Variants in GSAP observed in about 807,000 individuals in gnomAD.
GSAP encodes the protein gamma-secretase activating protein, also known as gamma-secretase-activating protein.
Under a neutral mutation model 131.7 loss-of-function variants are expected in GSAP, and 118 were observed. That is an observed-to-expected ratio of 0.90 (90% confidence interval 0.77 to 1.04). The LOEUF (loss-of-function observed/expected upper bound fraction) is 1.04. Among genes scored for constraint, GSAP ranks in the 50% least tolerant of loss-of-function variants. The probability of loss-of-function intolerance (pLI) is 0.00; values close to 1 mark genes in which losing one functional copy is unlikely to be tolerated. For synonymous variants in GSAP, 381 were observed against 363.4 expected (o/e 1.05, Z -0.55); for missense variants, 1,019 against 1,013.2 (o/e 1.01, Z -0.08).
chr7:77,371,175 C>T (rs1463175619), intron 12 of GSAP, among the ~76,000 whole-genome samples: 4 of 152,298 alleles, frequency 2.6e-5, no homozygotes. Flanking sequence ...TTCCTAAGCT[C>T]CACCAAAACC....
In GSAP at chr7:77,362,535, T is replaced by C. The variant is rs777074657; in HGVS notation, c.949+48A>G. 23 of 1,003,794 alleles carry C rather than the reference T, an allele frequency of 2.3e-5. No individual in the cohort carries two copies. In the Admixed American group the frequency reaches 3.9e-4, roughly 17 times the overall value. 62.2% of individuals were successfully genotyped at this position (1,003,794 alleles called of 1,614,324 possible). On this transcript the variant is annotated intron_variant, in intron 13 of 30. Coordinates refer to ENST00000257626, the MANE Select transcript of GSAP (RefSeq NM_017439.4). ...TAAGAGCTATCTAATTTGCTACTAT[T>C]TGGAAAAAGTTATTATGTAAAAGTA...
intron 19 of GSAP, among the ~76,000 whole-genome samples, chr7:77,346,431 G>A (rs1791878574): frequency 6.6e-6 from 1 of 151,050 alleles, no homozygotes; most frequent in South Asian, 2.1e-4. Context: ...AGGGCATGGT[G>A]GCTCATACCT....
chr7:77,344,258 C>G (rs1016762677), intron 19 of GSAP, among the ~76,000 whole-genome samples: 3 of 152,186 alleles, frequency 2.0e-5, no homozygotes, highest in Admixed American at 1.3e-4. Flanking sequence ...GTGGAACCTT[C>G]AGGCCCCTTA....
At chr7:77,387,080 T>C (rs575131081) in intron 6 of GSAP, among the ~76,000 whole-genome samples, 3 of 152,348 alleles carry the variant, frequency 2.0e-5, no homozygotes, top group East Asian at 3.9e-4. Flanking sequence ...ATACATTATA[T>C]TGACCATTTT....
intron 1 of GSAP, 49 bp from the exon 2 acceptor site, chr7:77,406,154 A>G: frequency 9.3e-7 from 1 of 1,070,636 alleles, no homozygotes; most frequent in Non-Finnish European, 1.2e-6. Context: ...GGTTAAAAAC[A>G]TATCTAACCA....
intron 5 of GSAP, 41 bp from the exon 6 acceptor site, chr7:77,387,489 AT>A: frequency 9.8e-7 from 1 of 1,022,976 alleles, no homozygotes. Context: ...AGATTGTAAT[AT>A]CACACATTAT....
intron 6 of GSAP, among the ~76,000 whole-genome samples, chr7:77,385,099 T>C (rs1357563292): frequency 6.6e-6 from 1 of 151,536 alleles, no homozygotes; most frequent in East Asian, 1.9e-4. Context: ...AATGGCACGA[T>C]CTTGGCTCAC....
chr7:77,413,131 G>T (rs1309185966), intron 1 of GSAP, among the ~76,000 whole-genome samples: 2 of 152,190 alleles, frequency 1.3e-5, no homozygotes, highest in East Asian at 3.8e-4. Context: ...ATCAGGGAGT[G>T]CTCAGGAAAG....
chr7:77,316,968 T>C (rs956201635), intron 26 of GSAP, among the ~76,000 whole-genome samples: 6 of 152,218 alleles, frequency 3.9e-5, no homozygotes, highest in South Asian at 4.1e-4. Context: ...AACCAATTCA[T>C]GTTACAAGTC....
At chr7:77,364,478 C>T (rs6970534) in intron 12 of GSAP, among the ~76,000 whole-genome samples, 5 of 134,930 alleles carry the variant, frequency 3.7e-5, no homozygotes, top group Non-Finnish European at 6.1e-5. Flanking sequence ...ACAATGAGAA[C>T]ACATGGACAC....
intron 12 of GSAP, among the ~76,000 whole-genome samples, chr7:77,368,058 C>G (rs1429029316): frequency 6.6e-6 from 1 of 152,070 alleles, no homozygotes; most frequent in African/African-American, 2.4e-5. Context: ...TCCCATTTGT[C>G]ATTTCTAATT....
At chr7:77,379,982 G>T (rs551278037) in intron 8 of GSAP, 2 of 780,942 alleles carry the variant, frequency 2.6e-6, no homozygotes, top group Non-Finnish European at 3.1e-6. Flanking sequence ...AAAATCTTCA[G>T]AGACAATTTT....
intron 24 of GSAP, 46 bp from the exon 25 acceptor site, chr7:77,321,449 T>G (rs768216376): frequency 1.6e-6 from 2 of 1,260,358 alleles, no homozygotes; most frequent in African/African-American, 3.0e-5. Flanking sequence ...ATTCCTTCCC[T>G]CAAGGGCCCC....
At chr7:77,354,704 G>C (rs1029352778) in intron 16 of GSAP, among the ~76,000 whole-genome samples, 44 of 145,844 alleles carry the variant, frequency 3.0e-4, no homozygotes, top group African/African-American at 1.0e-3. Context: ...TAGTTAACCA[G>C]CCACTCTTTG....
intron 14 of GSAP, among the ~76,000 whole-genome samples, chr7:77,357,988 T>C (rs1314097943): frequency 1.3e-5 from 2 of 152,254 alleles, no homozygotes; most frequent in Non-Finnish European, 2.9e-5. Context: ...AACACCACAT[T>C]GTACTCCATA....
chr7:77,360,508 A>G (rs1187236881), intron 14 of GSAP, among the ~76,000 whole-genome samples: 1 of 152,224 alleles, frequency 6.6e-6, no homozygotes, highest in East Asian at 1.9e-4. Flanking sequence ...GGAACATCTC[A>G]TACAAGTTAT....
chr7:77,311,851 G>A lies in GSAP; in HGVS notation c.2463C>T (p.Ser821=), dbSNP rs373874441. ...YFIEILTDIE[S]SNQALYPFEG... ...AGGGGAGTAAATTACCTTGATTGGAGGACTCTATATCTGTCAGAATTTCAA... is the reference window on the plus strand; with the variant it reads ...AGGGGAGTAAATTACCTTGATTGGAAGACTCTATATCTGTCAGAATTTCAA... The change falls in exon 30 of 31, where the codon TCC becomes TCT. Residue 821 remains serine (S), a synonymous_variant. Coordinates refer to ENST00000257626, the MANE Select transcript of GSAP (RefSeq NM_017439.4). 58 of 1,500,968 alleles carry A rather than the reference G, an allele frequency of 3.9e-5. No homozygotes were observed. In the African/African-American group the frequency reaches 6.7e-4, roughly 17 times the overall value. The allele number at this position is 1,500,968 out of a possible 1,614,324, so 93.0% of individuals were successfully genotyped here.
chr7:77,371,666 A>C (rs566057447), intron 12 of GSAP, among the ~76,000 whole-genome samples: 1 of 152,116 alleles, frequency 6.6e-6, no homozygotes, highest in Non-Finnish European at 1.5e-5. Flanking sequence ...CAAACTCCTG[A>C]CTTCAGGTGA....
rs372072571 is a variant in GSAP at position 77,388,081 on chromosome 7, A to G, written c.368-633T>C. Among the ~76,000 whole-genome samples the G allele has an allele frequency of 5.9e-4, 90 of 152,356 alleles. 4 individuals are homozygous for G. In the South Asian group the frequency reaches 0.018, roughly 31 times the overall value. ...TTAGCTATTCTACCAGGGGGAAAAA[A>G]AGGTGATTTTCTTAAAGTTTGACTT... On this transcript the variant is annotated intron_variant, in intron 5 of 30. Coordinates refer to ENST00000257626, the MANE Select transcript of GSAP (RefSeq NM_017439.4).
Sources: allele counts gnomAD v4.1 joint callset (sites outside exome capture counted in the v4.1 genomes callset), GRCh38; gene constraint gnomAD v4.1.1; transcripts MANE v1.5; gene names NCBI Gene and HGNC (gene_info 2026-07-23, HGNC 2026-07-21).